KCNC2: variants seen among roughly 807,000 people sequenced by gnomAD.
The protein encoded by KCNC2 is potassium voltage-gated channel subfamily C member 2.
A neutral mutation model predicts 44.5 loss-of-function variants in KCNC2; 21 were observed. That is an observed-to-expected ratio of 0.47 (90% CI 0.33 to 0.68). The LOEUF (loss-of-function observed/expected upper bound fraction) is 0.68, where lower values mean the gene tolerates loss of function less well. KCNC2 is among the 30% of genes least tolerant of loss of function. The pLI is 0.01. For synonymous variants in KCNC2, 391 were observed against 339.1 expected (o/e 1.15, Z -1.68); for missense variants, 589 against 826.2 (o/e 0.71, Z 3.52).
chr12:75,127,534 T>C (rs7972768), intron 2 of KCNC2, among the ~76,000 whole-genome samples: 4,996 of 152,206 alleles, frequency 0.033, 277 homozygotes, highest in African/African-American at 0.11. Context: ...ATTGCCAAAC[T>C]GAACAGCTTC....
chr12:75,205,300 C>T (rs762522661), intron 2 of KCNC2, among the ~76,000 whole-genome samples: 3 of 152,134 alleles, frequency 2.0e-5, no homozygotes, highest in Non-Finnish European at 4.4e-5. Flanking sequence ...CTTGACTAAA[C>T]GTGACCTCAA....
intron 2 of KCNC2, among the ~76,000 whole-genome samples, chr12:75,084,230 T>TATAG (rs34214855): frequency 2.1e-5 from 3 of 145,174 alleles, no homozygotes; most frequent in Non-Finnish European, 4.4e-5. Context: ...TGATGATAGA[T>TATAG]ATAGATAGAT....
At position 75,171,133 on chromosome 12, in the gene KCNC2, T is replaced by G. The variant is rs570046105; in HGVS notation, c.687+36164A>C. Among the ~76,000 whole-genome samples, 4 of 151,908 alleles carry G rather than the reference T, an allele frequency of 2.6e-5. No individual in the cohort carries two copies. In the South Asian group the frequency reaches 8.3e-4, roughly 32 times the overall value. The stretch of plus-strand genomic sequence containing the variant: ...TTCTGTATCTGACCTCTAGACTCTT[T>G]TTTAAAGGGATCACCTGATTAGGAC... On this transcript the variant is annotated intron_variant, in intron 2 of 4. Coordinates refer to ENST00000549446, the MANE Select transcript of KCNC2 (RefSeq NM_139137.4).
intron 2 of KCNC2, among the ~76,000 whole-genome samples, chr12:75,166,431 A>T (rs983933809): frequency 1.4e-5 from 2 of 147,918 alleles, no homozygotes; most frequent in Non-Finnish European, 3.0e-5. Flanking sequence ...GGAAAGAGAA[A>T]ACTCGAATGA....
Position 75,164,718 on chromosome 12 carries a change from T to C in KCNC2, c.687+42579A>G, listed in dbSNP as rs1229752801. On this transcript the variant is annotated intron_variant, in intron 2 of 4. Transcript: ENST00000549446. ...TAACAACTGCTATTTCATTTCTCTT[T>C]CCAAATCTATTTAATCTATGAGAAT... Among the ~76,000 whole-genome samples the C allele has an allele frequency of 1.1e-4, 16 of 151,684 alleles. 1 individual carries two copies. The South Asian group carries it at 3.3e-3, about 31-fold the overall frequency.
chr12:75,049,967 G>A (rs1157638690), intron 3 of KCNC2, among the ~76,000 whole-genome samples: 2 of 151,938 alleles, frequency 1.3e-5, no homozygotes, highest in Non-Finnish European at 2.9e-5. Context: ...GAGATGCATG[G>A]CACCATGTGG....
At chr12:75,192,535 A>G (rs2030383880) in intron 2 of KCNC2, among the ~76,000 whole-genome samples, 1 of 152,236 alleles carries the variant, frequency 6.6e-6, no homozygotes, top group Non-Finnish European at 1.5e-5. Flanking sequence ...TAGATAATAA[A>G]TTAAGTGTCA....
chr12:75,193,422 G>A (rs2030481814), intron 2 of KCNC2, among the ~76,000 whole-genome samples: 1 of 152,138 alleles, frequency 6.6e-6, no homozygotes, highest in South Asian at 2.1e-4. Context: ...GAGGCAACAT[G>A]TACTAGGAGA....
At position 75,041,120 on chromosome 12, in the gene KCNC2, G is replaced by C; in HGVS notation, c.*1985C>G. The C allele has an allele frequency of 6.3e-7, 1 of 1,596,586 alleles. No individual in the cohort carries two copies. The highest frequency in any genetic ancestry group is 8.5e-7 in the Non-Finnish European group (1 of 1,178,616). On this transcript the variant is annotated 3_prime_UTR_variant, in exon 5 of 5. Transcript: ENST00000549446. The stretch of plus-strand genomic sequence containing the variant: ...CATCAGGGCACATTCAGCAGCAGAA[G>C]TCTGTTTCCAGTATAGTCCTTGGTA...
At chr12:75,192,656 T>G (rs1273251038) in intron 2 of KCNC2, among the ~76,000 whole-genome samples, 2 of 152,204 alleles carry the variant, frequency 1.3e-5, no homozygotes, top group Non-Finnish European at 2.9e-5. Context: ...ATTTTCTCAG[T>G]AGGATTGTGT....
chr12:75,208,061 G>A (rs1332036271), intron 1 of KCNC2, 59 bp from the exon 2 acceptor site: 2 of 1,584,786 alleles, frequency 1.3e-6, no homozygotes, highest in African/African-American at 2.7e-5. Context: ...GACACACCAT[G>A]ACCCCCACCA....
At chr12:75,167,515 A>C (rs138203864) in intron 2 of KCNC2, among the ~76,000 whole-genome samples, 34 of 151,526 alleles carry the variant, frequency 2.2e-4, no homozygotes, top group African/African-American at 8.0e-4. Context: ...ATAAGTAAAC[A>C]CATCATAACA....
intron 2 of KCNC2, among the ~76,000 whole-genome samples, chr12:75,071,783 A>G (rs1883429697): frequency 6.6e-6 from 1 of 151,880 alleles, no homozygotes; most frequent in African/African-American, 2.4e-5. Context: ...GTAAAAACAC[A>G]AAAATTAGCC....
At chr12:75,094,218 C>T (rs1288556656) in intron 2 of KCNC2, among the ~76,000 whole-genome samples, 1 of 151,574 alleles carries the variant, frequency 6.6e-6, no homozygotes, top group Non-Finnish European at 1.5e-5. Flanking sequence ...AAAATTTAAA[C>T]ATATACAAAT....
At chr12:75,117,039 C>A (rs1887709174) in intron 2 of KCNC2, among the ~76,000 whole-genome samples, 1 of 151,830 alleles carries the variant, frequency 6.6e-6, no homozygotes, top group Admixed American at 6.6e-5. Context: ...GGCACAGTTA[C>A]TCCCTGACTC....
At chr12:75,127,892 C>A (rs1278615437) in intron 2 of KCNC2, among the ~76,000 whole-genome samples, 2 of 152,094 alleles carry the variant, frequency 1.3e-5, no homozygotes, top group Non-Finnish European at 2.9e-5. Context: ...GTGGAAAAAT[C>A]TTATTACCAG....
intron 2 of KCNC2, among the ~76,000 whole-genome samples, chr12:75,101,342 T>C (rs1163743173): frequency 6.6e-6 from 1 of 152,074 alleles, no homozygotes; most frequent in Admixed American, 6.6e-5. Flanking sequence ...TGCTAATTCA[T>C]TCTAGGGCAA....
At chr12:75,116,766 C>T (rs1205512187) in intron 2 of KCNC2, among the ~76,000 whole-genome samples, 3 of 152,158 alleles carry the variant, frequency 2.0e-5, no homozygotes, top group African/African-American at 7.2e-5. Context: ...AGCCTGTACC[C>T]ACCCTTCTTA....
At chr12:75,164,845 T>C (rs1223714548) in intron 2 of KCNC2, among the ~76,000 whole-genome samples, 1 of 151,630 alleles carries the variant, frequency 6.6e-6, no homozygotes, top group Non-Finnish European at 1.5e-5. Flanking sequence ...AAAATAGAAT[T>C]AAAATTTATT....
Sources: gnomAD v4.1 joint callset for allele counts (sites outside exome capture counted in the v4.1 genomes callset) on GRCh38, gnomAD v4.1.1 for gene constraint, MANE v1.5 for transcripts, NCBI Gene and HGNC (gene_info 2026-07-23, HGNC 2026-07-21) for gene names.